HLCS: variants seen among roughly 807,000 people sequenced by gnomAD.
HLCS encodes the protein holocarboxylase synthetase, also known as biotin--protein ligase.
In HLCS, 53 loss-of-function variants were observed where a neutral mutation model predicts 75.0. The ratio of observed to expected loss-of-function variants is 0.71; its 90% CI spans 0.57 to 0.89. The LOEUF (loss-of-function observed/expected upper bound fraction) is 0.89. Ranked by LOEUF, HLCS falls within the 40% of genes least tolerant of loss-of-function variation. HLCS has a pLI of 0.00. For synonymous variants in HLCS, 431 were observed against 428.6 expected, an observed-to-expected ratio of 1.01 and a Z score of -0.07; for missense variants, 966 against 1,074.0, an observed-to-expected ratio of 0.90 and a Z score of 1.41.
chr21:36,832,360 G>A (rs946316001), intron 6 of HLCS, among the ~76,000 whole-genome samples: 4 of 152,182 alleles, frequency 2.6e-5, no homozygotes, highest in African/African-American at 7.2e-5. Flanking sequence ...AGAGAATCTC[G>A]ATGAAGATTC....
chr21:36,939,436 C>T (rs2067041240), intron 2 of HLCS, among the ~76,000 whole-genome samples: 1 of 152,156 alleles, frequency 6.6e-6, no homozygotes, highest in East Asian at 1.9e-4. Context: ...CCAGGGAGCA[C>T]ATGAGACCTT....
chr21:36,860,696 T>C (rs147447081), intron 6 of HLCS, among the ~76,000 whole-genome samples: 290 of 152,354 alleles, frequency 1.9e-3, no homozygotes, highest in Non-Finnish European at 2.7e-3. Flanking sequence ...TAGAGAGGGA[T>C]TACTGCATTT....
chr21:36,819,871 C>A lies in HLCS; in HGVS notation c.1893-52586G>T, dbSNP rs116534298. 3.3e-5 allele frequency among the ~76,000 whole-genome samples: 5 copies of A among 152,142 alleles called. No homozygotes were observed. The East Asian group carries it at 7.7e-4, about 23-fold the overall frequency. On this transcript the variant is annotated intron_variant, in intron 6 of 10. Coordinates refer to ENST00000674895, the MANE Select transcript of HLCS (RefSeq NM_001352514.2). Reference sequence around the variant, plus strand: ...AGAAAGAAAAATAACTAAGAAGTTGCACATCTGAAAGATTGCAAGTTCCCT... The same window carrying A: ...AGAAAGAAAAATAACTAAGAAGTTGAACATCTGAAAGATTGCAAGTTCCCT...
At chr21:36,867,016 A>T (rs1427390686) in intron 6 of HLCS, among the ~76,000 whole-genome samples, 1 of 152,162 alleles carries the variant, frequency 6.6e-6, no homozygotes, top group East Asian at 1.9e-4. Flanking sequence ...ATGGTTGCAG[A>T]GAAAAAGGTC....
At chr21:36,894,877 T>C (rs997100695) in intron 6 of HLCS, among the ~76,000 whole-genome samples, 1 of 151,686 alleles carries the variant, frequency 6.6e-6, no homozygotes, top group South Asian at 2.1e-4. Context: ...ATATCAAAAG[T>C]GAACTTCCTG....
intron 6 of HLCS, among the ~76,000 whole-genome samples, chr21:36,792,124 A>G (rs532627344): frequency 5.9e-5 from 9 of 152,152 alleles, no homozygotes; most frequent in South Asian, 2.1e-4. Context: ...AGACCATCTC[A>G]GCACCGGGTC....
intron 5 of HLCS, among the ~76,000 whole-genome samples, chr21:36,906,455 GC>G (rs1450254430): frequency 6.6e-6 from 1 of 152,132 alleles, no homozygotes; most frequent in African/African-American, 2.4e-5. Flanking sequence ...GATCACTTGA[GC>G]CCAGGAGCTA....
chr21:36,858,132 A>G (rs2063261589), intron 6 of HLCS, among the ~76,000 whole-genome samples: 1 of 152,116 alleles, frequency 6.6e-6, no homozygotes, highest in South Asian at 2.1e-4. Flanking sequence ...TTTTCATTAG[A>G]TATTTAAAGT....
chr21:36,848,225 T>C (rs978291911), intron 6 of HLCS, among the ~76,000 whole-genome samples: 1 of 151,828 alleles, frequency 6.6e-6, no homozygotes, highest in Non-Finnish European at 1.5e-5. Context: ...TTCTGCACAA[T>C]GTATGAGAGT....
chr21:36,878,152 A>T (rs1421594519), intron 6 of HLCS, among the ~76,000 whole-genome samples: 1 of 152,088 alleles, frequency 6.6e-6, no homozygotes, highest in Non-Finnish European at 1.5e-5. Flanking sequence ...ACATCTGGCC[A>T]TCATTTTTTC....
intron 6 of HLCS, among the ~76,000 whole-genome samples, chr21:36,792,541 A>G (rs933862335): frequency 1.3e-5 from 2 of 151,972 alleles, no homozygotes; most frequent in African/African-American, 2.4e-5. Flanking sequence ...TCATCAGCCA[A>G]TTGTGCTACG....
rs112390843 is a variant in HLCS at position 36,890,561 on chromosome 21, A to C, written c.1892+6299T>G. On this transcript the variant is annotated intron_variant, in intron 6 of 10. Transcript: ENST00000674895. ...CTATTCAATCACAAACACACTTCCA[A>C]ATTTGTGGGGTGGAGACACAAGGTG... is the stretch of plus-strand genomic sequence containing the variant. Among the ~76,000 whole-genome samples, 1,145 of 152,132 alleles carry C rather than the reference A, an allele frequency of 7.5e-3. 4 individuals carry two copies. The highest frequency in any genetic ancestry group is 0.013 in the Non-Finnish European group (898 of 68,000).
intron 5 of HLCS, among the ~76,000 whole-genome samples, chr21:36,909,330 A>G (rs1601707191): frequency 3.3e-5 from 5 of 152,370 alleles, no homozygotes. Flanking sequence ...AATATAAATC[A>G]TAACTAAATA....
intron 5 of HLCS, among the ~76,000 whole-genome samples, chr21:36,908,829 A>C (rs1782663622): frequency 6.6e-6 from 1 of 152,236 alleles, no homozygotes; most frequent in African/African-American, 2.4e-5. Flanking sequence ...CAATCTAATC[A>C]TCTAGTGATA....
At chr21:36,790,887 A>G (rs1289787057) in intron 6 of HLCS, among the ~76,000 whole-genome samples, 1 of 152,182 alleles carries the variant, frequency 6.6e-6, no homozygotes, top group Non-Finnish European at 1.5e-5. Context: ...AGTCAGCAAA[A>G]TGTTCTTAAG....
At chr21:36,868,966 A>G (rs2063670710) in intron 6 of HLCS, among the ~76,000 whole-genome samples, 1 of 152,128 alleles carries the variant, frequency 6.6e-6, no homozygotes, top group Non-Finnish European at 1.5e-5. Flanking sequence ...TTCCAATGAA[A>G]AACTGAGGCA....
chr21:36,791,022 G>A (rs1382998562), intron 6 of HLCS, among the ~76,000 whole-genome samples: 1 of 152,200 alleles, frequency 6.6e-6, no homozygotes, highest in African/African-American at 2.4e-5. Flanking sequence ...GGGTGCCTTT[G>A]TTTGAGCTTG....
At chr21:36,899,512 T>C (rs1035807610) in intron 5 of HLCS, among the ~76,000 whole-genome samples, 1 of 152,070 alleles carries the variant, frequency 6.6e-6, no homozygotes, top group Non-Finnish European at 1.5e-5. Context: ...TAATCCCAGC[T>C]ACTCAGGAGG....
At chr21:36,946,841 G>A (rs1445308865) in intron 2 of HLCS, among the ~76,000 whole-genome samples, 2 of 152,162 alleles carry the variant, frequency 1.3e-5, no homozygotes, top group Non-Finnish European at 1.5e-5. Flanking sequence ...TTCACCTAGA[G>A]GGTCAGGCCC....
Sources: allele counts gnomAD v4.1 joint callset (sites outside exome capture counted in the v4.1 genomes callset), GRCh38; gene constraint gnomAD v4.1.1; transcripts MANE v1.5; gene names NCBI Gene and HGNC (gene_info 2026-07-23, HGNC 2026-07-21).